Variants in ANKRD6 observed in about 807,000 individuals in gnomAD.
ANKRD6 encodes ankyrin repeat domain 6, also known as ankyrin repeat domain-containing protein 6.
ANKRD6 carries 56 observed loss-of-function variants against 82.3 expected under a neutral mutation model. The ratio of observed to expected loss-of-function variants is 0.68; its 90% CI spans 0.55 to 0.85. The LOEUF (loss-of-function observed/expected upper bound fraction) is 0.85, where lower values mean the gene tolerates loss of function less well. ANKRD6 is among the 40% of genes least tolerant of loss of function. The probability of loss-of-function intolerance (pLI) is 0.00; values close to 1 mark genes in which losing one functional copy is unlikely to be tolerated. For missense variants in ANKRD6, 852 were observed against 907.6 expected, an observed-to-expected ratio of 0.94 and a Z score of 0.79; for synonymous variants, 347 against 352.1, an observed-to-expected ratio of 0.99 and a Z score of 0.16.
chr6:89,444,290 G>A (rs1771785281), intron 1 of ANKRD6, among the ~76,000 whole-genome samples: 1 of 152,160 alleles, frequency 6.6e-6, no homozygotes, highest in Admixed American at 6.5e-5. Flanking sequence ...TTAGGAGAGA[G>A]TGGCAGATCA....
chr6:89,437,992 C>T (rs1272071989), intron 1 of ANKRD6, among the ~76,000 whole-genome samples: 1 of 152,136 alleles, frequency 6.6e-6, no homozygotes. Flanking sequence ...CAGGGTTTCA[C>T]CTTGTTGCCC....
chr6:89,555,060 C>G (rs1445508974), intron 1 of ANKRD6, among the ~76,000 whole-genome samples: 1 of 112,072 alleles, frequency 8.9e-6, no homozygotes, highest in Non-Finnish European at 1.8e-5. Flanking sequence ...CCTCTCCTCC[C>G]CCCCTTCTCT....
intron 3 of ANKRD6, among the ~76,000 whole-genome samples, chr6:89,596,740 C>CT (rs1446254454): frequency 8.5e-5 from 13 of 152,182 alleles, no homozygotes; most frequent in African/African-American, 3.1e-4. Context: ...GTGGGCTGCC[C>CT]TACTGGGTCT....
At chr6:89,548,711 A>G (rs1785423752) in intron 1 of ANKRD6, among the ~76,000 whole-genome samples, 1 of 152,216 alleles carries the variant, frequency 6.6e-6, no homozygotes, top group African/African-American at 2.4e-5. Context: ...ACTGCTGTGA[A>G]AAAAGAGGCT....
In ANKRD6 at chr6:89,623,532, G is replaced by A; in HGVS notation, c.1020G>A (p.Lys340=). ...EPRAKDDRRR[K]SRPKVSAFSD... ...GAGCAAAGGATGACAGGAGGAGAAAGTCAAGGCCCAAGGTCAGGAGACACA... is the reference window on the plus strand; with the variant it reads ...GAGCAAAGGATGACAGGAGGAGAAAATCAAGGCCCAAGGTCAGGAGACACA... Residue 340 remains lysine (K), a synonymous_variant, in exon 11 of 16, where the codon AAG becomes AAA. Transcript: ENST00000339746. 6.3e-7 allele frequency: 1 copy of A among 1,584,606 alleles called. No individual in the cohort carries two copies.
chr6:89,476,173 G>GT (rs372424579), intron 1 of ANKRD6, among the ~76,000 whole-genome samples: 2 of 151,774 alleles, frequency 1.3e-5, no homozygotes, highest in Admixed American at 6.6e-5. Context: ...TTGTGTTTTT[G>GT]TTTTTTTGTT....
At chr6:89,449,624 C>T (rs1772557222) in intron 1 of ANKRD6, among the ~76,000 whole-genome samples, 1 of 152,166 alleles carries the variant, frequency 6.6e-6, no homozygotes, top group Non-Finnish European at 1.5e-5. Context: ...CAAAAGCATA[C>T]CTGCCCAGTA....
intron 1 of ANKRD6, among the ~76,000 whole-genome samples, chr6:89,518,138 C>T (rs755414910): frequency 2.8e-4 from 42 of 152,152 alleles, no homozygotes; most frequent in Non-Finnish European, 4.4e-4. Flanking sequence ...CGTGGTGGCT[C>T]ACGCCTGTGA....
intron 1 of ANKRD6, among the ~76,000 whole-genome samples, chr6:89,448,530 G>A (rs1217749149): frequency 2.0e-5 from 3 of 152,116 alleles, no homozygotes; most frequent in Non-Finnish European, 4.4e-5. Flanking sequence ...TTTACAGGTG[G>A]TTTACTGAAT....
chr6:89,439,262 G>T (rs985925429), intron 1 of ANKRD6, among the ~76,000 whole-genome samples: 1 of 152,050 alleles, frequency 6.6e-6, no homozygotes, highest in Non-Finnish European at 1.5e-5. Flanking sequence ...TGTCTTAATG[G>T]CTTCGTTAAT....
rs1179212284 is a variant in ANKRD6 at position 89,630,424 on chromosome 6, T to C, written c.1613-9T>C. 1 of 1,599,642 alleles carries C rather than the reference T, an allele frequency of 6.3e-7. No individual in the cohort carries two copies. The highest frequency in any genetic ancestry group is 8.5e-7 in the Non-Finnish European group (1 of 1,172,694). On this transcript the variant is annotated splice_polypyrimidine_tract_variant and intron_variant, in intron 15 of 15. Transcript: ENST00000339746. ...TTTGCTCTCACGTTTGTTTTCCTTC[T>C]GAAACCAGGTGTGGACCAATTAGTG...
chr6:89,624,085 G>A, intron 12 of ANKRD6, 28 bp downstream of exon 12: 1 of 1,584,218 alleles, frequency 6.3e-7, no homozygotes, highest in Non-Finnish European at 8.6e-7. Flanking sequence ...TCAGGAGAAG[G>A]GAACATAGGC....
intron 2 of ANKRD6, among the ~76,000 whole-genome samples, chr6:89,578,621 G>A (rs1791734929): frequency 1.3e-5 from 2 of 152,094 alleles, no homozygotes; most frequent in Admixed American, 1.3e-4. Flanking sequence ...TATTGTTTCA[G>A]TTATTAAAAT....
chr6:89,627,753 G>C (rs1306720057), intron 14 of ANKRD6, 57 bp downstream of exon 14: 2 of 1,511,254 alleles, frequency 1.3e-6, no homozygotes, highest in South Asian at 2.3e-5. Flanking sequence ...GGCCCACTGA[G>C]CTCAGGCAGG....
In ANKRD6 at chr6:89,595,992, G is replaced by A. The variant is rs750986611; in HGVS notation, c.197G>A (p.Cys66Tyr). The A allele has an allele frequency of 3.7e-6, 6 of 1,609,612 alleles. 1 individual carries two copies. The South Asian group carries it at 5.6e-5, about 15-fold the overall frequency. ...PVVQILLKAG[C>Y]DLDVQDDGDQ... ...GTCCAGATCTTGCTGAAGGCTGGCT[G>A]CGACCTTGATGTCCAGGATGATGTG... Residue 66 changes from cysteine to tyrosine, a missense_variant, in exon 3 of 16, where the codon TGC (cysteine) becomes TAC (tyrosine). Physicochemically the swap from Cys to Tyr is radical, Grantham distance 194 (BLOSUM62 -2). Transcript: ENST00000339746.
intron 9 of ANKRD6, among the ~76,000 whole-genome samples, chr6:89,619,183 C>T (rs1802364076): frequency 6.6e-6 from 1 of 152,062 alleles, no homozygotes; most frequent in Non-Finnish European, 1.5e-5. Flanking sequence ...CCACAGAGCT[C>T]CCGACAAAAG....
chr6:89,511,715 A>G (rs1237317953), intron 1 of ANKRD6, among the ~76,000 whole-genome samples: 1 of 152,206 alleles, frequency 6.6e-6, no homozygotes. Context: ...GATACAATCT[A>G]ATTTGGTCCT....
At chr6:89,566,770 A>G in intron 1 of ANKRD6, 64 bp from the exon 2 acceptor site, 1 of 563,766 alleles carries the variant, frequency 1.8e-6, no homozygotes, top group South Asian at 2.3e-5. Flanking sequence ...ATCACAGAGA[A>G]GAGGTGTGAC....
At chr6:89,493,083 T>G (rs1778194031) in intron 1 of ANKRD6, among the ~76,000 whole-genome samples, 1 of 152,262 alleles carries the variant, frequency 6.6e-6, no homozygotes, top group African/African-American at 2.4e-5. Context: ...ACCCTTCAGC[T>G]GGCTGCAGAC....
Sources: gnomAD v4.1 joint callset for allele counts (sites outside exome capture counted in the v4.1 genomes callset) on GRCh38, gnomAD v4.1.1 for gene constraint, MANE v1.5 for transcripts, NCBI Gene and HGNC (gene_info 2026-07-23, HGNC 2026-07-21) for gene names.